The following HDAC9 variants were observed in gnomAD, a reference collection of about 807,000 sequenced individuals.
HDAC9 encodes the protein histone deacetylase 9.
HDAC9 carries 41 observed loss-of-function variants against 139.4 expected under a neutral mutation model. The observed-to-expected ratio is 0.29, with a 90% CI of 0.23 to 0.38. The LOEUF (loss-of-function observed/expected upper bound fraction) is 0.38, where lower values mean the gene tolerates loss of function less well. Among genes scored for constraint, HDAC9 ranks in the 10% least tolerant of loss-of-function variants. The probability of loss-of-function intolerance (pLI) is 1.00; values close to 1 mark genes in which losing one functional copy is unlikely to be tolerated. For synonymous variants in HDAC9, 517 were observed against 476.2 expected (o/e 1.09, Z -1.12); for missense variants, 1,147 against 1,297.0 (o/e 0.88, Z 1.78).
intron 1 of HDAC9, among the ~76,000 whole-genome samples, chr7:18,432,043 T>A (rs1173733286): frequency 6.6e-6 from 1 of 152,220 alleles, no homozygotes; most frequent in African/African-American, 2.4e-5. Context: ...CAGGTATCCA[T>A]GCCTTTGTGC....
chr7:18,746,279 C>A (rs1787969870), intron 13 of HDAC9, among the ~76,000 whole-genome samples: 1 of 152,038 alleles, frequency 6.6e-6, no homozygotes, highest in African/African-American at 2.4e-5. Context: ...TTAAACAGTT[C>A]TTCTTATATA....
chr7:18,629,472 G>C lies in HDAC9; in HGVS notation c.787G>C (p.Glu263Gln). Residue 263 changes from glutamate (E) to glutamine (Q), a missense_variant, in exon 7 of 26, where the codon GAG (glutamate) becomes CAG (glutamine). This residue lies in a region of HDAC9 where 264 missense variants were observed against 273.8 expected (regional missense o/e 0.96). Transcript: ENST00000686413. ...CACTTCATTCAAGAAGCGAATGTTT[G>C]AGGTGACAGGTAATTGAGGACTGGG... ...VVTSFKKRMFEVTESSVSSSS... is the reference protein window; with the variant it reads ...VVTSFKKRMFQVTESSVSSSS... The C allele has an allele frequency of 6.2e-7, 1 of 1,612,014 alleles. No homozygotes were observed. The highest frequency in any genetic ancestry group is 8.5e-7 in the Non-Finnish European group (1 of 1,178,692).
intron 1 of HDAC9, among the ~76,000 whole-genome samples, chr7:18,376,285 T>G (rs1210800942): frequency 6.6e-6 from 1 of 152,240 alleles, no homozygotes; most frequent in African/African-American, 2.4e-5. Context: ...GAAGTAGAGA[T>G]AATTTCTCTT....
intron 2 of HDAC9, among the ~76,000 whole-genome samples, chr7:18,200,528 T>A (rs34461394): frequency 0.22 from 33,661 of 151,988 alleles, 3,805 homozygotes; most frequent in Middle Eastern, 0.24. Flanking sequence ...TCTGTGGAGT[T>A]TGGCCCAACC....
rs567968076 is a variant in HDAC9, at chr7:18,930,384, AG to A, written c.2804-5424del. The stretch of plus-strand genomic sequence containing the variant: ...CTTTTGTGTCTTTAATGAAGCTAGA[AG>A]TAAATATGATTACATGAAACTTGCA... On this transcript the variant is annotated intron_variant, in intron 22 of 25. Coordinates refer to ENST00000686413, the MANE Select transcript of HDAC9 (RefSeq NM_178425.4). Among the ~76,000 whole-genome samples, 28 of 152,276 alleles carry A rather than the reference AG, an allele frequency of 1.8e-4. No individual in the cohort carries two copies. The South Asian group carries it at 5.8e-3, about 32-fold the overall frequency.
intron 2 of HDAC9, among the ~76,000 whole-genome samples, chr7:18,522,141 A>G (rs1414200862): frequency 6.6e-6 from 1 of 152,192 alleles, no homozygotes; most frequent in African/African-American, 2.4e-5. Context: ...TGTTATGCAT[A>G]TATTACAGCC....
chr7:18,932,190 T>G (rs1804805888), intron 22 of HDAC9, among the ~76,000 whole-genome samples: 1 of 152,174 alleles, frequency 6.6e-6, no homozygotes, highest in Admixed American at 6.5e-5. Context: ...AATTAAAATT[T>G]TTTGCTGTAA....
At chr7:18,969,551 A>G (rs1428915138) in intron 24 of HDAC9, among the ~76,000 whole-genome samples, 5 of 152,360 alleles carry the variant, frequency 3.3e-5, no homozygotes, top group African/African-American at 1.2e-4. Context: ...AAGGGATCAC[A>G]AGGCAAATCA....
At chr7:18,877,539 T>G (rs1054721533) in intron 22 of HDAC9, among the ~76,000 whole-genome samples, 1 of 152,208 alleles carries the variant, frequency 6.6e-6, no homozygotes, top group Non-Finnish European at 1.5e-5. Flanking sequence ...ATTTGATAAT[T>G]ACAGAGAGTG....
In HDAC9 at chr7:18,162,035, G is replaced by C. The variant is rs555648960; in HGVS notation, c.-96-194G>C. Among the ~76,000 whole-genome samples the C allele has an allele frequency of 3.3e-5, 5 of 152,136 alleles. No individual in the cohort carries two copies. The South Asian group carries it at 6.2e-4, about 19-fold the overall frequency. On this transcript the variant is annotated intron_variant, in intron 1 of 12. Transcript: ENST00000417496. ...ATTTCTCTGTTCACAATATTCCTGT[G>C]CTATAAGGGAGACTGCTAAATTTGC...
intron 1 of HDAC9, among the ~76,000 whole-genome samples, chr7:18,435,584 T>C (rs759767274): frequency 1.2e-4 from 18 of 152,012 alleles, no homozygotes; most frequent in Non-Finnish European, 2.2e-4. Context: ...TACATAGCCA[T>C]TGACTTTTTG....
chr7:18,856,305 A>G lies in HDAC9; in HGVS notation c.2685-18173A>G, dbSNP rs183344481. 6.4e-4 allele frequency among the ~76,000 whole-genome samples: 98 copies of G among 152,284 alleles called. 2 individuals are homozygous for G. Among genetic ancestry groups the G allele is most frequent in the Admixed American group, 6.4e-3 (98 of 15,274 alleles). On this transcript the variant is annotated intron_variant, in intron 21 of 25. Transcript: ENST00000686413. ...AAACTATGAGTATTATTTAGAAACCATGAGTAACTGATTAGATTTTTTAAC... is the reference window on the plus strand; with the variant it reads ...AAACTATGAGTATTATTTAGAAACCGTGAGTAACTGATTAGATTTTTTAAC...
chr7:18,903,354 T>C (rs1239055228), intron 22 of HDAC9, among the ~76,000 whole-genome samples: 1 of 152,236 alleles, frequency 6.6e-6, no homozygotes, highest in East Asian at 1.9e-4. Context: ...GTGTGGCGCC[T>C]AAGCAATGGT....
intron 1 of HDAC9, among the ~76,000 whole-genome samples, chr7:18,360,791 A>AT (rs1350606512): frequency 2.6e-5 from 4 of 152,082 alleles, no homozygotes; most frequent in Non-Finnish European, 5.9e-5. Context: ...AAGAGTTGAC[A>AT]TTTTTTTATA....
At chr7:18,867,621 G>A (rs1798592875) in intron 21 of HDAC9, among the ~76,000 whole-genome samples, 1 of 151,834 alleles carries the variant, frequency 6.6e-6, no homozygotes, top group Non-Finnish European at 1.5e-5. Flanking sequence ...TCTTTTTAAG[G>A]CTCTCTTAGG....
At chr7:18,447,912 G>C (rs1401942392) in intron 1 of HDAC9, among the ~76,000 whole-genome samples, 1 of 152,148 alleles carries the variant, frequency 6.6e-6, no homozygotes, top group Non-Finnish European at 1.5e-5. Flanking sequence ...CATGATCTCT[G>C]CTCACTGCAG....
At chr7:18,497,656 G>A (rs569963535) in intron 2 of HDAC9, among the ~76,000 whole-genome samples, 3 of 152,118 alleles carry the variant, frequency 2.0e-5, no homozygotes, top group Non-Finnish European at 2.9e-5. Context: ...CAAGGGCTCC[G>A]GGAGGGTTTA....
chr7:18,815,252 C>T (rs966275372), intron 17 of HDAC9, among the ~76,000 whole-genome samples: 1 of 151,196 alleles, frequency 6.6e-6, no homozygotes, highest in African/African-American at 2.4e-5. Flanking sequence ...ATTTATATGA[C>T]AAAAAATATC....
At chr7:18,375,708 G>A (rs1448143757) in intron 1 of HDAC9, among the ~76,000 whole-genome samples, 1 of 152,080 alleles carries the variant, frequency 6.6e-6, no homozygotes, top group Non-Finnish European at 1.5e-5. Flanking sequence ...ACACTAGCCT[G>A]GGTTAGTGGT....
Sources: allele counts gnomAD v4.1 joint callset (sites outside exome capture counted in the v4.1 genomes callset), GRCh38; gene constraint gnomAD v4.1.1; regional missense constraint gnomAD v4.1.1; transcripts MANE v1.5; gene names NCBI Gene and HGNC (gene_info 2026-07-23, HGNC 2026-07-21).